TRPM7: variants seen among roughly 807,000 people sequenced by gnomAD.
TRPM7 encodes LTRPC ion channel family member 7.
TRPM7 carries 134 observed loss-of-function variants against 229.7 expected under a neutral mutation model. The observed-to-expected ratio is 0.58, with a 90% CI of 0.51 to 0.67. The LOEUF is 0.67. Among genes scored for constraint, TRPM7 ranks in the 30% least tolerant of loss-of-function variants. TRPM7 has a pLI of 0.00. For synonymous variants in TRPM7, 699 were observed against 715.2 expected (o/e 0.98, Z 0.36); for missense variants, 1,901 against 2,210.0 (o/e 0.86, Z 2.80).
In TRPM7 at chr15:50,592,138, C is replaced by A; in HGVS notation, c.4097G>T (p.Arg1366Leu). The A allele has an allele frequency of 6.2e-7, 1 of 1,613,350 alleles. No individual in the cohort carries two copies. The highest frequency in any genetic ancestry group is 1.1e-5 in the South Asian group (1 of 90,960). The change falls in exon 26 of 39, where the codon CGA becomes CTA. Residue 1366 changes from arginine to leucine, a missense_variant. This residue lies in a region of TRPM7 where 533 missense variants were observed against 497.1 expected (regional missense o/e 1.07). Transcript: ENST00000646667. ...GAGTTCTACCCCATGTAGTCTCTGTCGCAGTTCTGGAGGGGAAACAGCACT... is the reference window on the plus strand; with the variant it reads ...GAGTTCTACCCCATGTAGTCTCTGTAGCAGTTCTGGAGGGGAAACAGCACT... ...FPSAVSPPEL[R>L]QRLHGVELLK... is the part of the protein sequence containing the mutation.
intron 3 of TRPM7, among the ~76,000 whole-genome samples, chr15:50,653,427 G>C (rs1203374086): frequency 6.6e-6 from 1 of 152,212 alleles, no homozygotes; most frequent in Non-Finnish European, 1.5e-5. Flanking sequence ...TACATGCTAA[G>C]TCTTGTGATT....
intron 38 of TRPM7, among the ~76,000 whole-genome samples, chr15:50,565,116 G>T (rs1394769454): frequency 1.3e-5 from 2 of 151,770 alleles, no homozygotes; most frequent in Non-Finnish European, 2.9e-5. Context: ...CAAGTAGCTG[G>T]GATTACAGGC....
At chr15:50,574,579 G>C in intron 35 of TRPM7, 58 bp downstream of exon 35, 2 of 1,558,188 alleles carry the variant, frequency 1.3e-6, no homozygotes, top group Admixed American at 3.6e-5. Context: ...AAAAATGAAG[G>C]TCAAAAGGGA....
intron 1 of TRPM7, among the ~76,000 whole-genome samples, chr15:50,673,025 A>C (rs1177346278): frequency 1.3e-5 from 2 of 151,506 alleles, no homozygotes; most frequent in Non-Finnish European, 2.9e-5. Context: ...TAAAATGTTT[A>C]CAAATCTGTT....
At chr15:50,599,088 C>A in intron 22 of TRPM7, 34 bp downstream of exon 22, 2 of 1,486,422 alleles carry the variant, frequency 1.3e-6, no homozygotes, top group Non-Finnish European at 1.8e-6. Context: ...CACAAAATAA[C>A]CAAAAGATAA....
intron 1 of TRPM7, among the ~76,000 whole-genome samples, chr15:50,683,030 G>A (rs915902006): frequency 2.6e-5 from 4 of 151,620 alleles, no homozygotes; most frequent in African/African-American, 7.3e-5. Context: ...CCACAGGTGC[G>A]CATCACCATG....
intron 10 of TRPM7, 63 bp from the exon 11 acceptor site, chr15:50,628,312 CTT>C (rs374839323): frequency 2.3e-3 from 2,185 of 932,566 alleles, no homozygotes; most frequent in Middle Eastern, 3.2e-3. Context: ...AAGGTGAACA[CTT>C]TTTTTTTTTT....
intron 30 of TRPM7, among the ~76,000 whole-genome samples, chr15:50,579,863 A>G (rs1044896568): frequency 4.6e-5 from 7 of 152,156 alleles, no homozygotes; most frequent in African/African-American, 1.7e-4. Context: ...TGGTGCAATC[A>G]TGGCTCACTA....
At chr15:50,643,663 G>A (rs1238417081) in intron 4 of TRPM7, 110 bp from the exon 5 acceptor site, 12 of 724,752 alleles carry the variant, frequency 1.7e-5, no homozygotes, top group Non-Finnish European at 2.7e-5. Context: ...TGTAAAAAGA[G>A]ATTTCATAGG....
At position 50,632,886 on chromosome 15, in the gene TRPM7, T is replaced by C. The variant is rs778509283; in HGVS notation, c.1114A>G (p.Met372Val). 1 of 1,540,202 alleles carries C rather than the reference T, an allele frequency of 6.5e-7. No individual in the cohort carries two copies. The highest frequency in any genetic ancestry group is 8.7e-7 in the Non-Finnish European group (1 of 1,150,842). The stretch of plus-strand genomic sequence containing the variant: ...CTACTTACAAGCTCCTTTCTTTTCA[T>C]GCACTCCATCAGTGTTTGAAATAAA... ...LHLFQTLMECMKRKELITVFH... is the reference protein window; with the variant it reads ...LHLFQTLMECVKRKELITVFH... Residue 372 changes from methionine (M) to valine (V), a missense_variant, in exon 9 of 39, where the codon ATG becomes GTG. By Grantham distance (21) the Met-to-Val change is conservative. Coordinates refer to ENST00000646667, the MANE Select transcript of TRPM7 (RefSeq NM_017672.6).
intron 6 of TRPM7, among the ~76,000 whole-genome samples, chr15:50,638,168 G>GCTAA (rs2140727724): frequency 1.3e-5 from 2 of 151,482 alleles, no homozygotes; most frequent in Non-Finnish European, 2.9e-5. Context: ...GACCATCCTG[G>GCTAA]CTAACACGGT....
intron 21 of TRPM7, among the ~76,000 whole-genome samples, chr15:50,602,664 G>GGAC (rs1210109604): frequency 2.0e-5 from 3 of 152,084 alleles, no homozygotes; most frequent in African/African-American, 7.2e-5. Context: ...ACGAAGATCT[G>GGAC]GACCATGTCT....
chr15:50,612,250 C>A lies in TRPM7; in HGVS notation c.2051+299G>T, dbSNP rs567889733. 3.3e-5 allele frequency among the ~76,000 whole-genome samples: 5 copies of A among 152,222 alleles called. No individual in the cohort carries two copies. The East Asian group carries it at 9.6e-4, about 29-fold the overall frequency. ...GGACCACAGACAAGTACCACCACAC[C>A]CAGTTAATTTTTAAATTTCATGTAG... On this transcript the variant is annotated intron_variant, in intron 16 of 38. Transcript: ENST00000646667.
intron 27 of TRPM7, among the ~76,000 whole-genome samples, chr15:50,587,883 A>G (rs2059383281): frequency 6.6e-6 from 1 of 152,202 alleles, no homozygotes; most frequent in Non-Finnish European, 1.5e-5. Flanking sequence ...TCCATATGTC[A>G]TATGGCAATA....
chr15:50,679,525 T>TATATTATATATATGTGTATATATATA (rs2062190819), intron 1 of TRPM7, among the ~76,000 whole-genome samples: 1 of 48,896 alleles, frequency 2.0e-5, no homozygotes, highest in Non-Finnish European at 3.9e-5. Flanking sequence ...TATATATATA[T>TATATTATATATATGTGTATATATATA]ATATATATAT....
At chr15:50,636,130 G>A (rs1319313233) in intron 7 of TRPM7, among the ~76,000 whole-genome samples, 1 of 150,214 alleles carries the variant, frequency 6.7e-6, no homozygotes, top group East Asian at 1.9e-4. Context: ...AATAACTTGC[G>A]GTGCACAGAG....
intron 13 of TRPM7, among the ~76,000 whole-genome samples, chr15:50,618,950 T>C (rs1169384404): frequency 6.6e-6 from 1 of 152,212 alleles, no homozygotes; most frequent in Non-Finnish European, 1.5e-5. Context: ...GATTTCATTC[T>C]TTTGTGTGGC....
chr15:50,599,104 TA>T lies in TRPM7; in HGVS notation c.3163+17del. On this transcript the variant is annotated intron_variant, in intron 22 of 38. Transcript: ENST00000646667. ...ACAAAATAACCAAAAGATAAATCTG[TA>T]AATATACAATTCTTACCATCAATTT... The T allele has an allele frequency of 6.4e-7, 1 of 1,550,486 alleles. No homozygotes were observed.
At chr15:50,587,978 T>C (rs1281457964) in intron 27 of TRPM7, among the ~76,000 whole-genome samples, 1 of 152,186 alleles carries the variant, frequency 6.6e-6, no homozygotes, top group Non-Finnish European at 1.5e-5. Context: ...TCTTTCTCTT[T>C]TTATCGTGTG....
Sources: allele counts gnomAD v4.1 joint callset (sites outside exome capture counted in the v4.1 genomes callset), GRCh38; gene constraint gnomAD v4.1.1; regional missense constraint gnomAD v4.1.1; transcripts MANE v1.5; gene names NCBI Gene and HGNC (gene_info 2026-07-23, HGNC 2026-07-21).